Variants in NAALADL2 observed in about 807,000 individuals in gnomAD.
NAALADL2 encodes inactive N-acetylated-alpha-linked acidic dipeptidase-like protein 2.
A neutral mutation model predicts 87.2 loss-of-function variants in NAALADL2; 76 were observed. That is an observed-to-expected ratio of 0.87 (90% CI 0.72 to 1.05). NAALADL2 has a LOEUF of 1.05. Ranked by LOEUF, NAALADL2 falls within the 50% of genes least tolerant of loss-of-function variation. The probability of loss-of-function intolerance (pLI) is 0.00; values close to 1 mark genes in which losing one functional copy is unlikely to be tolerated. For synonymous variants in NAALADL2, 354 were observed against 331.0 expected, an observed-to-expected ratio of 1.07 and a Z score of -0.75; for missense variants, 1,089 against 945.8, an observed-to-expected ratio of 1.15 and a Z score of -1.99.
At chr3:174,559,045 A>T (rs1288487645) in intron 2 of NAALADL2, among the ~76,000 whole-genome samples, 1 of 152,112 alleles carries the variant, frequency 6.6e-6, no homozygotes, top group Non-Finnish European at 1.5e-5. Flanking sequence ...CAAGGGAAAG[A>T]TTAGTGACTT....
intron 4 of NAALADL2, among the ~76,000 whole-genome samples, chr3:175,298,146 T>A (rs1473681260): frequency 6.6e-6 from 1 of 152,200 alleles, no homozygotes; most frequent in East Asian, 1.9e-4. Flanking sequence ...ATTTAATGAA[T>A]GAATTTTTCA....
At chr3:174,950,113 GAGAC>G (rs574956575) in intron 1 of NAALADL2, among the ~76,000 whole-genome samples, 5 of 152,050 alleles carry the variant, frequency 3.3e-5, no homozygotes, top group Admixed American at 6.6e-5. Flanking sequence ...ATAAAAATAA[GAGAC>G]AGAGAATACC....
At chr3:174,841,864 G>C (rs1164911254) in intron 3 of NAALADL2, among the ~76,000 whole-genome samples, 7 of 152,054 alleles carry the variant, frequency 4.6e-5, no homozygotes, top group Non-Finnish European at 1.0e-4. Context: ...CAGGCAGTTA[G>C]CATGCATATT....
intron 3 of NAALADL2, among the ~76,000 whole-genome samples, chr3:174,765,154 G>C (rs1222483928): frequency 3.3e-5 from 5 of 151,016 alleles, no homozygotes; most frequent in South Asian, 4.2e-4. Context: ...GAGAGAGAGA[G>C]AGAGAGAGAG....
intron 3 of NAALADL2, among the ~76,000 whole-genome samples, chr3:174,784,934 G>A (rs910310749): frequency 1.3e-5 from 2 of 152,210 alleles, no homozygotes; most frequent in African/African-American, 2.4e-5. Context: ...GTAGTAAAGA[G>A]CAGGTAACTG....
rs375863469 is a variant in NAALADL2 at position 174,604,842 on chromosome 3, C to A, written c.-115+54205C>A. ...GGAGTGCAGTGGCATGATCTTGGCTCACCACAACCTCCATCTCCCAGGTTC... is the reference window on the plus strand; with the variant it reads ...GGAGTGCAGTGGCATGATCTTGGCTAACCACAACCTCCATCTCCCAGGTTC... On this transcript the variant is annotated intron_variant, in intron 2 of 3. Coordinates refer to the NAALADL2 transcript ENST00000434257. Among the ~76,000 whole-genome samples, 43 of 151,426 alleles carry A rather than the reference C, an allele frequency of 2.8e-4. 1 individual carries two copies. In the East Asian group the frequency reaches 3.9e-3, roughly 14 times the overall value.
intron 12 of NAALADL2, among the ~76,000 whole-genome samples, chr3:175,742,858 A>G (rs922194832): frequency 2.6e-5 from 4 of 152,204 alleles, no homozygotes; most frequent in African/African-American, 9.7e-5. Flanking sequence ...GGGGGAATTC[A>G]GTAAGATCTC....
intron 3 of NAALADL2, among the ~76,000 whole-genome samples, chr3:174,783,141 A>G (rs548135378): frequency 3.9e-5 from 6 of 152,312 alleles, no homozygotes; most frequent in Admixed American, 3.3e-4. Flanking sequence ...TTTTCCATCC[A>G]TATTTAAAAA....
chr3:175,177,180 A>C (rs889069417), intron 2 of NAALADL2, among the ~76,000 whole-genome samples: 1 of 151,974 alleles, frequency 6.6e-6, no homozygotes, highest in African/African-American at 2.4e-5. Context: ...CTTGTGTCTA[A>C]TTTTCCCTAA....
intron 2 of NAALADL2, among the ~76,000 whole-genome samples, chr3:175,100,774 G>A (rs776560471): frequency 1.3e-5 from 2 of 150,314 alleles, no homozygotes; most frequent in Non-Finnish European, 2.9e-5. Flanking sequence ...GGGAGGCGGA[G>A]GTTTCAGTGA....
At chr3:174,657,544 G>C (rs904808047) in intron 2 of NAALADL2, among the ~76,000 whole-genome samples, 3 of 152,096 alleles carry the variant, frequency 2.0e-5, no homozygotes, top group Non-Finnish European at 4.4e-5. Context: ...CCATATGCCT[G>C]TGCCCCCACA....
upstream of NAALADL2, among the ~76,000 whole-genome samples, chr3:174,855,454 A>T (rs1226811611): frequency 6.6e-6 from 1 of 151,958 alleles, no homozygotes; most frequent in Non-Finnish European, 1.5e-5. Context: ...AATTCTCATA[A>T]TTACCATCAT....
intron 2 of NAALADL2, among the ~76,000 whole-genome samples, chr3:175,210,262 G>T (rs1008943115): frequency 6.6e-6 from 1 of 151,532 alleles, no homozygotes; most frequent in Non-Finnish European, 1.5e-5. Context: ...AAATGTTATG[G>T]TATATTATAA....
intron 2 of NAALADL2, among the ~76,000 whole-genome samples, chr3:175,139,116 G>C (rs1729610022): frequency 6.6e-6 from 1 of 151,230 alleles, no homozygotes; most frequent in Non-Finnish European, 1.5e-5. Flanking sequence ...GGAATATTCT[G>C]TTTGAAAAAT....
At position 175,024,513 on chromosome 3, in the gene NAALADL2, T is replaced by C. The variant is rs545089725; in HGVS notation, c.44-72277T>C. Among the ~76,000 whole-genome samples, 6 of 152,212 alleles carry C rather than the reference T, an allele frequency of 3.9e-5. No homozygotes were observed. The South Asian group carries it at 1.0e-3, about 26-fold the overall frequency. On this transcript the variant is annotated intron_variant, in intron 1 of 13. Coordinates refer to ENST00000454872, the MANE Select transcript of NAALADL2 (RefSeq NM_207015.3). ...AGAAAATACAAAATCATTGTCCTTATTTAAAGTGAGCAAATATTATTAGAA... is the reference window on the plus strand; with the variant it reads ...AGAAAATACAAAATCATTGTCCTTACTTAAAGTGAGCAAATATTATTAGAA...
chr3:174,601,923 T>A (rs1321084550), intron 2 of NAALADL2, among the ~76,000 whole-genome samples: 2 of 152,150 alleles, frequency 1.3e-5, no homozygotes, highest in Middle Eastern at 3.2e-3. Flanking sequence ...CAGTATGTGT[T>A]CTCAGAAACT....
chr3:174,476,560 A>T (rs1717230189), intron 1 of NAALADL2, among the ~76,000 whole-genome samples: 1 of 151,944 alleles, frequency 6.6e-6, no homozygotes, highest in Admixed American at 6.6e-5. Flanking sequence ...ACTTAAAATA[A>T]TTTTTCCTAA....
At chr3:175,254,756 A>G (rs1444444257) in intron 3 of NAALADL2, among the ~76,000 whole-genome samples, 6 of 152,220 alleles carry the variant, frequency 3.9e-5, no homozygotes, top group Non-Finnish European at 5.9e-5. Flanking sequence ...TTAAAATCAT[A>G]TATCAACAGT....
intron 1 of NAALADL2, among the ~76,000 whole-genome samples, chr3:174,866,797 A>G (rs1047168409): frequency 1.3e-5 from 2 of 151,798 alleles, no homozygotes; most frequent in Non-Finnish European, 3.0e-5. Context: ...GTAAATAGGA[A>G]TTTGGAGAAA....
Sources: gnomAD v4.1 joint callset for allele counts (sites outside exome capture counted in the v4.1 genomes callset) on GRCh38, gnomAD v4.1.1 for gene constraint, MANE v1.5 for transcripts, NCBI Gene and HGNC (gene_info 2026-07-23, HGNC 2026-07-21) for gene names.